RNF220: variants seen among roughly 807,000 people sequenced by gnomAD.
RNF220 encodes E3 ubiquitin-protein ligase RNF220.
In RNF220, 7 loss-of-function variants were observed where a neutral mutation model predicts 67.1. The ratio of observed to expected loss-of-function variants is 0.10; its 90% CI spans 0.06 to 0.20. RNF220 has a LOEUF of 0.20. Ranked by LOEUF, RNF220 falls within the 10% of genes least tolerant of loss-of-function variation. The probability of loss-of-function intolerance (pLI) is 1.00; values close to 1 mark genes in which losing one functional copy is unlikely to be tolerated. For synonymous variants in RNF220, 270 were observed against 283.2 expected (o/e 0.95, Z 0.47); for missense variants, 565 against 740.3 (o/e 0.76, Z 2.75).
Position 44,417,934 on chromosome 1 carries a change from G to A in RNF220, c.625+5212G>A, listed in dbSNP as rs1360470560. Among the ~76,000 whole-genome samples, 1 of 151,842 alleles carries A rather than the reference G, an allele frequency of 6.6e-6. No homozygotes were observed. The highest frequency in any genetic ancestry group is 2.4e-5 in the African/African-American group (1 of 41,390). ...CACTTGGAGGCCGCAGGAGGACTCC[G>A]CGCGCCGCCTCGAGGGCCGGGAGCG... On this transcript the variant is annotated intron_variant, in intron 2 of 14. Coordinates refer to ENST00000361799, the MANE Select transcript of RNF220 (RefSeq NM_018150.4). This position sits in a 1 kb window ranked among gnomAD's most constrained non-coding sequence, Gnocchi z 4.0.
rs184153233 is a variant in RNF220, at chr1:44,650,969, G to T, written c.*194G>T. On this transcript the variant is annotated 3_prime_UTR_variant, in exon 15 of 15. Coordinates refer to ENST00000361799, the MANE Select transcript of RNF220 (RefSeq NM_018150.4). This position sits in a 1 kb window ranked among gnomAD's most constrained non-coding sequence, Gnocchi z 4.3. Reference sequence around the variant, plus strand: ...AGCCAGAGTAGAGGCTGTGGCCCAGGCACTACCTGCTGGCTCCCACCTATG... The same window carrying T: ...AGCCAGAGTAGAGGCTGTGGCCCAGTCACTACCTGCTGGCTCCCACCTATG... 2 of 599,248 alleles carry T rather than the reference G, an allele frequency of 3.3e-6. No individual in the cohort carries two copies. The highest frequency in any genetic ancestry group is 6.1e-6 in the Non-Finnish European group (2 of 327,220). The allele number at this position is 599,248 out of a possible 1,614,324, so 37.1% of individuals were successfully genotyped here. A position where few individuals can be genotyped will look rare whatever the true frequency, so the allele number is the denominator to read the frequency against.
chr1:44,423,944 C>G, intron 2 of RNF220: 1 of 985,402 alleles, frequency 1.0e-6, no homozygotes, highest in Non-Finnish European at 1.2e-6. Context: ...AAAAACAGTT[C>G]CTTCCAGGCG....
intron 8 of RNF220, among the ~76,000 whole-genome samples, chr1:44,639,410 G>A (rs1212579108): frequency 1.3e-5 from 2 of 152,254 alleles, no homozygotes; most frequent in Non-Finnish European, 2.9e-5. Flanking sequence ...GAGGACATGG[G>A]AATGATTGGT....
chr1:44,585,982 GCTGCCTCCCTGTTCTTC>G (rs1368520920), intron 2 of RNF220, among the ~76,000 whole-genome samples: 2 of 152,124 alleles, frequency 1.3e-5, no homozygotes, highest in Non-Finnish European at 2.9e-5. Context: ...TTGTCATCAG[GCTGCCTCCCTGTTCTTC>G]CTGCCTCCCA....
intron 2 of RNF220, among the ~76,000 whole-genome samples, chr1:44,547,335 G>A (rs1572844630): frequency 6.6e-6 from 1 of 152,086 alleles, no homozygotes. Context: ...GCTCATTTCT[G>A]CCACAGTCCT....
intron 8 of RNF220, chr1:44,636,391 G>A (rs1404741072): frequency 1.4e-6 from 1 of 733,758 alleles, no homozygotes; most frequent in African/African-American, 1.7e-5. Flanking sequence ...TGCAAGCTAG[G>A]AGTGACGAAG....
At chr1:44,555,019 T>C (rs530449928) in intron 2 of RNF220, among the ~76,000 whole-genome samples, 4 of 152,320 alleles carry the variant, frequency 2.6e-5, no homozygotes, top group African/African-American at 9.6e-5. Context: ...CTTAACTTTC[T>C]TCAATGGCTC....
chr1:44,443,920 G>A (rs1163871189), intron 2 of RNF220, among the ~76,000 whole-genome samples: 1 of 152,052 alleles, frequency 6.6e-6, no homozygotes, highest in Non-Finnish European at 1.5e-5. Context: ...GTGAAACCCC[G>A]TCTCTACTAA....
chr1:44,622,745 G>C lies in RNF220; in HGVS notation c.762G>C (p.Lys254Asn). The C allele has an allele frequency of 6.2e-7, 1 of 1,613,992 alleles. No homozygotes were observed. The highest frequency in any genetic ancestry group is 8.5e-7 in the Non-Finnish European group (1 of 1,179,926). The change falls in exon 4 of 15, where the codon AAG (lysine) becomes AAC (asparagine). Residue 254 changes from lysine to asparagine, a missense_variant. Coordinates refer to ENST00000361799, the MANE Select transcript of RNF220 (RefSeq NM_018150.4). This position sits in a 1 kb window ranked among gnomAD's most constrained non-coding sequence, Gnocchi z 4.3. ...LEQLAQLPSS[K>N]NSLLKDAMAP... is the part of the protein sequence containing the mutation. Reference sequence around the variant, plus strand: ...CTGTTCTCTTCTTTCTTGGCAGCAAGAATTCCCTTCTGAAGGATGCCATGG... The same window carrying C: ...CTGTTCTCTTCTTTCTTGGCAGCAACAATTCCCTTCTGAAGGATGCCATGG...
intron 2 of RNF220, among the ~76,000 whole-genome samples, chr1:44,555,155 C>A (rs183268115): frequency 6.6e-6 from 1 of 151,826 alleles, no homozygotes; most frequent in Non-Finnish European, 1.5e-5. Flanking sequence ...GCAGCCTCCA[C>A]CTCCTGGGCT....
At chr1:44,555,350 G>T (rs1662987172) in intron 2 of RNF220, among the ~76,000 whole-genome samples, 1 of 152,014 alleles carries the variant, frequency 6.6e-6, no homozygotes, top group Non-Finnish European at 1.5e-5. Flanking sequence ...TTACAGGGGT[G>T]AGCCACTCCA....
intron 2 of RNF220, among the ~76,000 whole-genome samples, chr1:44,585,777 A>G (rs1665650783): frequency 6.6e-6 from 1 of 152,088 alleles, no homozygotes; most frequent in Non-Finnish European, 1.5e-5. Flanking sequence ...TCTTTTTCTC[A>G]TCTCTAAAAT....
intron 2 of RNF220, among the ~76,000 whole-genome samples, chr1:44,503,972 C>T (rs1658177364): frequency 6.6e-6 from 1 of 152,126 alleles, no homozygotes; most frequent in African/African-American, 2.4e-5. Flanking sequence ...GATTCAGCCT[C>T]CTGAGTAGCT....
At chr1:44,640,357 T>C (rs966543333) in intron 8 of RNF220, among the ~76,000 whole-genome samples, 1 of 152,256 alleles carries the variant, frequency 6.6e-6, no homozygotes, top group Non-Finnish European at 1.5e-5. Context: ...AGGGTTGGGC[T>C]GCTGCCTTGT....
rs1342286927 is a variant in RNF220 at position 44,600,832 on chromosome 1, AAAG to A, written c.626-13332_626-13330del. On this transcript the variant is annotated intron_variant, in intron 2 of 14. Transcript: ENST00000361799. The surrounding 1 kb of genome is among the most constrained non-coding windows in gnomAD (Gnocchi z 4.0). ...GCAAGACTCTGTCTCAAAAAAAAAA[AAAG>A]TACAGTGCTTGCCACAGAGTAAGCA... Among the ~76,000 whole-genome samples the A allele has an allele frequency of 1.3e-5, 2 of 152,026 alleles. No homozygotes were observed. The highest frequency in any genetic ancestry group is 2.9e-5 in the Non-Finnish European group (2 of 67,998).
chr1:44,431,673 G>C (rs1572480142), intron 2 of RNF220, among the ~76,000 whole-genome samples: 2 of 152,262 alleles, frequency 1.3e-5, no homozygotes, highest in Non-Finnish European at 2.9e-5. Context: ...AGCCACATAG[G>C]AGTGGGCAAG....
At chr1:44,425,634 G>A (rs1649688339) in intron 2 of RNF220, among the ~76,000 whole-genome samples, 1 of 152,194 alleles carries the variant, frequency 6.6e-6, no homozygotes, top group Non-Finnish European at 1.5e-5. Context: ...GCCGTGTGAT[G>A]CTGGGTAAGT....
intron 2 of RNF220, among the ~76,000 whole-genome samples, chr1:44,468,579 A>G (rs1019153002): frequency 3.9e-5 from 6 of 152,306 alleles, no homozygotes; most frequent in African/African-American, 1.4e-4. Flanking sequence ...ATTTTTCATT[A>G]TATAATCTTT....
intron 1 of RNF220, chr1:44,410,679 A>T (rs959113263): frequency 6.6e-6 from 1 of 152,192 alleles, no homozygotes; most frequent in Non-Finnish European, 1.5e-5. Flanking sequence ...AATACCAAAG[A>T]TACTCCAGGT....
Sources: allele counts gnomAD v4.1 joint callset (sites outside exome capture counted in the v4.1 genomes callset), GRCh38; gene constraint gnomAD v4.1.1; non-coding constraint Gnocchi (gnomAD v3.1); transcripts MANE v1.5; gene names NCBI Gene and HGNC (gene_info 2026-07-23, HGNC 2026-07-21).